Variants in TYW5 observed in about 807,000 individuals in gnomAD.
TYW5 encodes the protein tRNA wybutosine-synthesizing protein 5.
In TYW5, 36 loss-of-function variants were observed where a neutral mutation model predicts 44.4. The ratio of observed to expected loss-of-function variants is 0.81; its 90% confidence interval spans 0.62 to 1.07. The LOEUF (loss-of-function observed/expected upper bound fraction) is 1.07. Among genes scored for constraint, TYW5 ranks in the 50% least tolerant of loss-of-function variants. The pLI, the probability that TYW5 is intolerant of heterozygous loss-of-function variation, is 0.00. For synonymous variants in TYW5, 121 were observed against 128.1 expected (o/e 0.94, Z 0.37); for missense variants, 354 against 365.7 (o/e 0.97, Z 0.26).
chr2:199,953,511 T>C (rs2077564080), intron 1 of TYW5, among the ~76,000 whole-genome samples: 1 of 152,160 alleles, frequency 6.6e-6, no homozygotes, highest in Non-Finnish European at 1.5e-5. Context: ...AAACAGTCTA[T>C]TTTTTAAAAA....
In TYW5 at chr2:199,930,861, A is replaced by AG. The variant is rs1345740752; in HGVS notation, c.*2205dup. The stretch of plus-strand genomic sequence containing the variant: ...AATCATTAAGCAATCTGGGTTGGTT[A>AG]GATGGCTTCTAAGATCTCTTTCAAT... On this transcript the variant is annotated 3_prime_UTR_variant, in exon 8 of 8. Transcript: ENST00000354611. The AG allele has an allele frequency of 2.6e-5, 4 of 152,202 alleles. No individual in the cohort carries two copies. The highest frequency in any genetic ancestry group is 9.7e-5 in the African/African-American group (4 of 41,450). 9.4% of individuals were successfully genotyped at this position (152,202 alleles called of 1,614,324 possible).
intron 5 of TYW5, 24 bp from the exon 6 acceptor site, chr2:199,936,516 G>A: frequency 1.3e-6 from 2 of 1,576,700 alleles, no homozygotes; most frequent in Non-Finnish European, 1.7e-6. Flanking sequence ...AAAGCTTATG[G>A]GTAATCATTA....
chr2:199,930,732 T>C lies in TYW5; in HGVS notation c.*2335A>G, dbSNP rs2077370203. 6.6e-6 allele frequency: 1 copy of C among 151,394 alleles called. No individual in the cohort carries two copies. 9.4% of individuals were successfully genotyped at this position (151,394 alleles called of 1,614,324 possible). A position where few individuals can be genotyped will look rare whatever the true frequency, so the allele number is the denominator to read the frequency against. On this transcript the variant is annotated 3_prime_UTR_variant, in exon 8 of 8. Transcript: ENST00000354611. Reference sequence around the variant, plus strand: ...AACTAGCCAAAGAAAAGCTGTGTAATCTATTCAGAAGTACTGGAGATGTGC... The same window carrying C: ...AACTAGCCAAAGAAAAGCTGTGTAACCTATTCAGAAGTACTGGAGATGTGC...
chr2:199,954,366 T>C (rs1036257684), intron 1 of TYW5, among the ~76,000 whole-genome samples: 2 of 152,030 alleles, frequency 1.3e-5, no homozygotes, highest in Non-Finnish European at 2.9e-5. Context: ...CCTCCCAAAA[T>C]GTTAGGATTA....
rs770667045 is a variant in TYW5, at chr2:199,936,475, TAAC to T, written c.501_503del (p.Leu168del). 1.9e-6 allele frequency: 3 copies of T among 1,613,078 alleles called. No individual in the cohort carries two copies. The Admixed American group carries it at 5.0e-5, about 27-fold the overall frequency. On this transcript the variant is annotated inframe_deletion, in exon 6 of 8. Coordinates refer to ENST00000354611, the MANE Select transcript of TYW5 (RefSeq NM_001039693.3). ...CACGCTTTTTTCCTGTCACTTGTATTAACAAATTATCCATTACCTGAAGACCAA... is the reference window on the plus strand; with the variant it reads ...CACGCTTTTTTCCTGTCACTTGTATTAAATTATCCATTACCTGAAGACCAA...
Position 199,930,992 on chromosome 2 carries a change from GAAGAA to G in TYW5, c.*2070_*2074del, listed in dbSNP as rs757964958. 5 of 152,240 alleles carry G rather than the reference GAAGAA, an allele frequency of 3.3e-5. No individual in the cohort carries two copies. The highest frequency in any genetic ancestry group is 4.1e-4 in the South Asian group (2 of 4,828). 9.4% of individuals were successfully genotyped at this position (152,240 alleles called of 1,614,324 possible). ...ATCTCATTTGGTCTTAACCCAGTAG[GAAGAA>G]AAGATTAAAATATTTTGTATTTGAA... On this transcript the variant is annotated 3_prime_UTR_variant, in exon 8 of 8. Transcript: ENST00000354611.
intron 1 of TYW5, 43 bp downstream of exon 1, chr2:199,955,350 T>A: frequency 6.2e-7 from 1 of 1,602,132 alleles, no homozygotes; most frequent in Non-Finnish European, 8.5e-7. Flanking sequence ...AAGACGTGTC[T>A]CTCGCTGGTT....
At position 199,933,278 on chromosome 2, in the gene TYW5, A is replaced by C; in HGVS notation, c.737T>G (p.Val246Gly). Residue 246 changes from valine to glycine, a missense_variant, in exon 8 of 8, where the codon GTG (valine) becomes GGG (glycine). Coordinates refer to ENST00000354611, the MANE Select transcript of TYW5 (RefSeq NM_001039693.3). ...NVISEEFGVG[V>G]NIFWKHLPSE... is the part of the protein sequence containing the mutation. ...TGGAAGGTGCTTCCAAAAGATATTCACTCCCACTCCAAACTCTTCAGAAAT... is the reference window on the plus strand; with the variant it reads ...TGGAAGGTGCTTCCAAAAGATATTCCCTCCCACTCCAAACTCTTCAGAAAT... 1 of 1,613,818 alleles carries C rather than the reference A, an allele frequency of 6.2e-7. No homozygotes were observed. Among genetic ancestry groups the C allele is most frequent in the Non-Finnish European group, 8.5e-7 (1 of 1,179,852 alleles).
chr2:199,943,556 A>T (rs1166288747), intron 3 of TYW5: 2 of 473,696 alleles, frequency 4.2e-6, no homozygotes, highest in Non-Finnish European at 7.4e-6. Flanking sequence ...CATTTCACAG[A>T]TGAGTATACT....
chr2:199,929,672 G>C lies in TYW5; in HGVS notation c.*3395C>G, dbSNP rs1311605944. On this transcript the variant is annotated 3_prime_UTR_variant, in exon 8 of 8. Transcript: ENST00000354611. The stretch of plus-strand genomic sequence containing the variant: ...ATGTTCACATAGCTGCTGTTCAAAA[G>C]GATGAAGGATACAAATTAAGTTTTG... Among the ~76,000 whole-genome samples, 2 of 151,764 alleles carry C rather than the reference G, an allele frequency of 1.3e-5. No individual in the cohort carries two copies. The highest frequency in any genetic ancestry group is 2.9e-5 in the Non-Finnish European group (2 of 67,982).
chr2:199,952,925 T>C (rs940291904), intron 1 of TYW5, among the ~76,000 whole-genome samples: 6 of 152,276 alleles, frequency 3.9e-5, no homozygotes, highest in African/African-American at 1.4e-4. Context: ...CTCCTCTGTA[T>C]AATACCATAA....
chr2:199,946,128 A>G (rs1178243295), intron 2 of TYW5: 2 of 152,190 alleles, frequency 1.3e-5, no homozygotes, highest in Non-Finnish European at 2.9e-5. Flanking sequence ...CTCTTTCCTC[A>G]TCTGTGAAAT....
chr2:199,943,669 G>A (rs1043736300), intron 3 of TYW5, 96 bp downstream of exon 3: 9 of 914,400 alleles, frequency 9.8e-6, no homozygotes, highest in Middle Eastern at 3.3e-4. Flanking sequence ...TATCAGAGAC[G>A]GCTGTTGCTC....
At chr2:199,945,711 CAA>C (rs1266768859) in intron 2 of TYW5, 1 of 152,162 alleles carries the variant, frequency 6.6e-6, no homozygotes, top group Non-Finnish European at 1.5e-5. Context: ...AGGAATAACA[CAA>C]AAGTGTTTCA....
rs1289280411 is a variant in TYW5 at position 199,938,343 on chromosome 2, T to C, written c.486+590A>G. On this transcript the variant is annotated intron_variant, in intron 5 of 7. Transcript: ENST00000354611. ...CCTCCCAAAGTGCTGGGATTACAGG[T>C]GTGAGCCACCGCGCCCAGCAGATCA... Among the ~76,000 whole-genome samples, 4 of 152,176 alleles carry C rather than the reference T, an allele frequency of 2.6e-5. No homozygotes were observed. In the East Asian group the frequency reaches 7.7e-4, roughly 29 times the overall value.
chr2:199,935,770 A>T (rs6435039), intron 7 of TYW5, among the ~76,000 whole-genome samples, 161 bp downstream of exon 7: 1 of 145,842 alleles, frequency 6.9e-6, no homozygotes. Context: ...ACACACATAC[A>T]CACACACGCA....
chr2:199,954,711 C>T (rs1020516019), intron 1 of TYW5, among the ~76,000 whole-genome samples: 1 of 152,176 alleles, frequency 6.6e-6, no homozygotes, highest in Non-Finnish European at 1.5e-5. Flanking sequence ...AGGCGTGAGC[C>T]ACCGCGCCCG....
chr2:199,953,505 A>C (rs1280841130), intron 1 of TYW5, among the ~76,000 whole-genome samples: 2 of 152,194 alleles, frequency 1.3e-5, no homozygotes, highest in African/African-American at 4.8e-5. Flanking sequence ...TCGAAAAAAC[A>C]GTCTATTTTT....
In TYW5 at chr2:199,948,364, C is replaced by G. The variant is rs2105709175; in HGVS notation, c.187G>C (p.Ala63Pro). ...ATGAAGTCCATCTGTGCAACTGCAG[C>G]AACATGAATCTTTACTTCTTTCTTC... ...GGKKEVKIHV[A>P]AVAQMDFISK... is the part of the protein sequence containing the mutation. Residue 63 changes from alanine to proline, a missense_variant, in exon 2 of 8, where the codon GCT (alanine) becomes CCT (proline). Coordinates refer to ENST00000354611, the MANE Select transcript of TYW5 (RefSeq NM_001039693.3). 6.2e-7 allele frequency: 1 copy of G among 1,614,146 alleles called. No homozygotes were observed. Among genetic ancestry groups the G allele is most frequent in the East Asian group, 2.2e-5 (1 of 44,858 alleles).
Sources: gnomAD v4.1 joint callset for allele counts (sites outside exome capture counted in the v4.1 genomes callset) on GRCh38, gnomAD v4.1.1 for gene constraint, MANE v1.5 for transcripts, NCBI Gene and HGNC (gene_info 2026-07-23, HGNC 2026-07-21) for gene names.